The following SHOC1 variants were observed in gnomAD, a reference collection of about 807,000 sequenced individuals.
SHOC1 encodes the protein shortage in chiasmata 1.
Under a neutral mutation model 179.2 loss-of-function variants are expected in SHOC1, and 136 were observed. The ratio of observed to expected loss-of-function variants is 0.76; its 90% CI spans 0.66 to 0.87. The LOEUF (loss-of-function observed/expected upper bound fraction) is 0.87. Ranked by LOEUF, SHOC1 falls within the 40% of genes least tolerant of loss-of-function variation. SHOC1 has a pLI of 0.00. For missense variants in SHOC1, 1,538 were observed against 1,700.8 expected, an observed-to-expected ratio of 0.90 and a Z score of 1.68; for synonymous variants, 489 against 586.6, an observed-to-expected ratio of 0.83 and a Z score of 2.41.
intron 1 of SHOC1, among the ~76,000 whole-genome samples, chr9:111,792,558 C>T (rs908348607): frequency 1.3e-5 from 2 of 152,110 alleles, no homozygotes; most frequent in African/African-American, 4.8e-5. Context: ...CCCAAGATCA[C>T]ACCACTGCAC....
intron 5 of SHOC1, among the ~76,000 whole-genome samples, chr9:111,762,365 G>C (rs2131581203): frequency 6.6e-6 from 1 of 151,984 alleles, no homozygotes; most frequent in East Asian, 1.9e-4. Flanking sequence ...GGGTTTCAAG[G>C]CTGCAGTGAG....
chr9:111,688,975 G>A (rs760652563), intron 27 of SHOC1, among the ~76,000 whole-genome samples: 40 of 152,248 alleles, frequency 2.6e-4, no homozygotes, highest in Middle Eastern at 3.4e-3. Context: ...GATACTTACA[G>A]AGGCTGATTA....
chr9:111,703,330 A>G (rs1023280005), intron 22 of SHOC1, among the ~76,000 whole-genome samples: 2 of 152,016 alleles, frequency 1.3e-5, no homozygotes, highest in African/African-American at 4.8e-5. Flanking sequence ...TCCCACTCCC[A>G]CCCCAATAAA....
chr9:111,729,651 T>C (rs113488232), intron 12 of SHOC1, among the ~76,000 whole-genome samples: 1,730 of 152,290 alleles, frequency 0.011, 35 homozygotes, highest in African/African-American at 0.039. Context: ...CCCAGCACTT[T>C]GGGAAGGCCG....
Position 111,741,577 on chromosome 9 carries a change from A to G in SHOC1, c.1080-7T>C. On this transcript the variant is annotated splice_polypyrimidine_tract_variant and splice_region_variant and intron_variant, in intron 10 of 27. Transcript: ENST00000682961. The stretch of plus-strand genomic sequence containing the variant: ...TTCAGCAGTAAGCAAATTACTGAAA[A>G]AAAGAGTTAAAGTTTAATACATTAA... The G allele has an allele frequency of 6.6e-7, 1 of 1,516,378 alleles. No individual in the cohort carries two copies. The highest frequency in any genetic ancestry group is 9.1e-7 in the Non-Finnish European group (1 of 1,101,558). The allele number at this position is 1,516,378 out of a possible 1,614,324, so 93.9% of individuals were successfully genotyped here. A position where few individuals can be genotyped will look rare whatever the true frequency, so the allele number is the denominator to read the frequency against.
chr9:111,771,410 G>A (rs1312848523), intron 5 of SHOC1, among the ~76,000 whole-genome samples: 1 of 151,968 alleles, frequency 6.6e-6, no homozygotes, highest in Non-Finnish European at 1.5e-5. Flanking sequence ...CTAGAGTTAT[G>A]AGTGCTTACA....
chr9:111,775,701 T>G (rs1835802946), intron 5 of SHOC1, 90 bp downstream of exon 5: 25 of 1,146,226 alleles, frequency 2.2e-5, no homozygotes, highest in Non-Finnish European at 3.0e-5. Context: ...ATAAAAAATT[T>G]TTTATTCAAC....
At chr9:111,763,504 G>A (rs559597590) in intron 5 of SHOC1, among the ~76,000 whole-genome samples, 1 of 152,008 alleles carries the variant, frequency 6.6e-6, no homozygotes, top group Non-Finnish European at 1.5e-5. Flanking sequence ...AGCTAGAATC[G>A]AATGGAACAA....
intron 12 of SHOC1, among the ~76,000 whole-genome samples, chr9:111,737,183 G>A (rs1050785405): frequency 1.3e-5 from 2 of 152,166 alleles, no homozygotes; most frequent in Non-Finnish European, 2.9e-5. Context: ...ACAGAACTAC[G>A]TTCGACCCAG....
intron 2 of SHOC1, among the ~76,000 whole-genome samples, chr9:111,787,598 A>G (rs1283308353): frequency 6.6e-6 from 1 of 152,220 alleles, no homozygotes; most frequent in Non-Finnish European, 1.5e-5. Flanking sequence ...CTTCTTATGG[A>G]TGAGCAAAGG....
At chr9:111,794,091 A>G (rs1260180512) in intron 1 of SHOC1, among the ~76,000 whole-genome samples, 1 of 151,326 alleles carries the variant, frequency 6.6e-6, no homozygotes, top group Non-Finnish European at 1.5e-5. Flanking sequence ...AGCTCAGGCA[A>G]TCCTCTCGCC....
At chr9:111,724,050 T>C in intron 13 of SHOC1, 139 bp from the exon 14 acceptor site, 2 of 646,718 alleles carry the variant, frequency 3.1e-6, no homozygotes, top group South Asian at 4.3e-5. Context: ...AGTGAACAAC[T>C]ATTCAGATCA....
chr9:111,750,826 G>T (rs932431895), intron 8 of SHOC1, among the ~76,000 whole-genome samples: 1 of 152,148 alleles, frequency 6.6e-6, no homozygotes, highest in African/African-American at 2.4e-5. Context: ...TTCTTTTGCT[G>T]TGCAGAAGCT....
In SHOC1 at chr9:111,689,685, A is replaced by G. The variant is rs368194380; in HGVS notation, c.4426+1866T>C. Among the ~76,000 whole-genome samples the G allele has an allele frequency of 3.7e-4, 57 of 152,246 alleles. 1 individual carries two copies. The Middle Eastern group carries it at 0.01, about 27-fold the overall frequency. On this transcript the variant is annotated intron_variant, in intron 27 of 27. Coordinates refer to ENST00000682961, the MANE Select transcript of SHOC1 (RefSeq NM_001378211.1). ...GAGTCATGTGAACTGTTTGAATAAA[A>G]TTATTTCATGGAAATAACTTGGAAA...
rs533350869 is a variant in SHOC1, at chr9:111,723,552, G to A, written c.1954+240C>T. Among the ~76,000 whole-genome samples, 6 of 152,318 alleles carry A rather than the reference G, an allele frequency of 3.9e-5. No homozygotes were observed. The South Asian group carries it at 1.2e-3, about 32-fold the overall frequency. On this transcript the variant is annotated intron_variant, in intron 14 of 27. Coordinates refer to ENST00000682961, the MANE Select transcript of SHOC1 (RefSeq NM_001378211.1). The stretch of plus-strand genomic sequence containing the variant: ...GTTCTCAGATTGATATAGGGAAGCA[G>A]CAGCAGTTTAAATGAAAGAAGAAAT...
chr9:111,738,459 A>G lies in SHOC1; in HGVS notation c.1238T>C (p.Val413Ala). ...ATTAATCACAAGGCTTTCTTCTTTA[A>G]CAGAAAATATCTTTTTCAAATCTGT... The part of the protein sequence containing the change: ...SVTDLKKIFS[V>A]KEESLVINLE... The change falls in exon 12 of 28, where the codon GTT (valine) becomes GCT (alanine). Residue 413 changes from valine (V) to alanine (A), a missense_variant. Coordinates refer to ENST00000682961, the MANE Select transcript of SHOC1 (RefSeq NM_001378211.1). 6 of 1,607,460 alleles carry G rather than the reference A, an allele frequency of 3.7e-6. No individual in the cohort carries two copies. Among genetic ancestry groups the G allele is most frequent in the Non-Finnish European group, 3.4e-6 (4 of 1,178,226 alleles).
intron 21 of SHOC1, 55 bp downstream of exon 21, chr9:111,705,192 C>T: frequency 1.4e-6 from 1 of 730,022 alleles, no homozygotes; most frequent in African/African-American, 1.9e-5. Flanking sequence ...CACACACACA[C>T]ACACATATAT....
chr9:111,766,638 T>C (rs142515779), intron 5 of SHOC1, among the ~76,000 whole-genome samples: 41 of 152,130 alleles, frequency 2.7e-4, no homozygotes, highest in African/African-American at 9.2e-4. Context: ...TGAAATGGAG[T>C]TTCGCTCCTG....
chr9:111,686,931 T>A, intron 27 of SHOC1, 61 bp from the exon 28 acceptor site: 1 of 1,084,772 alleles, frequency 9.2e-7, no homozygotes, highest in South Asian at 1.4e-5. Flanking sequence ...TATAGGTTTT[T>A]TCTTTTCCTT....
Sources: gnomAD v4.1 joint callset for allele counts (sites outside exome capture counted in the v4.1 genomes callset) on GRCh38, gnomAD v4.1.1 for gene constraint, MANE v1.5 for transcripts, NCBI Gene and HGNC (gene_info 2026-07-23, HGNC 2026-07-21) for gene names.